The following MIPOL1 variants were observed in gnomAD, a reference collection of about 807,000 sequenced individuals.
MIPOL1 encodes the protein mirror-image polydactyly gene 1 protein.
MIPOL1 carries 57 observed loss-of-function variants against 60.9 expected under a neutral mutation model. The ratio of observed to expected loss-of-function variants is 0.94; its 90% confidence interval spans 0.76 to 1.17. MIPOL1 has a LOEUF of 1.17. MIPOL1 is among the 50% of genes most tolerant of loss of function. MIPOL1 has a pLI of 0.00. For synonymous variants in MIPOL1, 179 were observed against 168.8 expected (o/e 1.06, Z -0.47); for missense variants, 551 against 511.6 (o/e 1.08, Z -0.74).
At chr14:37,289,938 G>T (rs2084914150) in intron 7 of MIPOL1, among the ~76,000 whole-genome samples, 1 of 152,168 alleles carries the variant, frequency 6.6e-6, no homozygotes, top group African/African-American at 2.4e-5. Context: ...GGTGAGGAAA[G>T]GGGTGGAAGG....
chr14:37,200,025 G>C (rs75519482), intron 1 of MIPOL1, among the ~76,000 whole-genome samples: 6,956 of 152,226 alleles, frequency 0.046, 370 homozygotes, highest in African/African-American at 0.13. Flanking sequence ...ATTCTAGTAG[G>C]AATATAGTGA....
intron 1 of MIPOL1, among the ~76,000 whole-genome samples, chr14:37,207,920 G>C (rs181495780): frequency 6.6e-6 from 1 of 152,196 alleles, no homozygotes; most frequent in Non-Finnish European, 1.5e-5. Context: ...CTTGTTTTTG[G>C]TTATAATTTA....
chr14:37,306,540 T>C (rs2086800121), intron 7 of MIPOL1, among the ~76,000 whole-genome samples: 1 of 151,816 alleles, frequency 6.6e-6, no homozygotes, highest in Non-Finnish European at 1.5e-5. Flanking sequence ...AATTAGATCT[T>C]ACTTTGATTT....
At chr14:37,281,038 C>T (rs1389345138) in intron 6 of MIPOL1, among the ~76,000 whole-genome samples, 1 of 152,066 alleles carries the variant, frequency 6.6e-6, no homozygotes, top group Non-Finnish European at 1.5e-5. Flanking sequence ...TCTTTTTTTA[C>T]TTTCACTGCC....
chr14:37,208,137 ATATAG>A (rs1474189654), intron 1 of MIPOL1, among the ~76,000 whole-genome samples: 1 of 152,172 alleles, frequency 6.6e-6, no homozygotes, highest in Non-Finnish European at 1.5e-5. Flanking sequence ...TTTTGGATGC[ATATAG>A]TCAGGTAATC....
At chr14:37,505,180 G>A (rs1430378173) in intron 12 of MIPOL1, 1 of 152,124 alleles carries the variant, frequency 6.6e-6, no homozygotes, top group African/African-American at 2.4e-5. Context: ...GGTACAAAGA[G>A]GAGCTGGTAC....
At chr14:37,323,648 A>AT (rs1212628208) in intron 9 of MIPOL1, among the ~76,000 whole-genome samples, 2 of 152,198 alleles carry the variant, frequency 1.3e-5, no homozygotes, top group Non-Finnish European at 2.9e-5. Context: ...ATACATAAAT[A>AT]TTAAACTGGC....
intron 11 of MIPOL1, among the ~76,000 whole-genome samples, chr14:37,446,014 C>A (rs2094328179): frequency 6.6e-6 from 1 of 151,986 alleles, no homozygotes; most frequent in Non-Finnish European, 1.5e-5. Flanking sequence ...TAGGCATGGG[C>A]AAGGACTTCA....
At chr14:37,297,983 G>A (rs1239002588) in intron 7 of MIPOL1, among the ~76,000 whole-genome samples, 5 of 152,120 alleles carry the variant, frequency 3.3e-5, no homozygotes, top group Non-Finnish European at 5.9e-5. Flanking sequence ...AAAAGAGCCC[G>A]CATCGCCAAG....
At chr14:37,481,664 A>G (rs1422757420) in intron 11 of MIPOL1, among the ~76,000 whole-genome samples, 1 of 151,538 alleles carries the variant, frequency 6.6e-6, no homozygotes, top group Non-Finnish European at 1.5e-5. Flanking sequence ...AGCTAGAGGA[A>G]TCACAATAGC....
intron 10 of MIPOL1, among the ~76,000 whole-genome samples, chr14:37,421,613 C>T (rs566350598): frequency 2.4e-4 from 36 of 151,958 alleles, no homozygotes; most frequent in Admixed American, 4.6e-4. Context: ...TGTTAAAGCA[C>T]GCATTCAAAC....
intron 12 of MIPOL1, among the ~76,000 whole-genome samples, chr14:37,530,769 G>A (rs962320827): frequency 2.0e-5 from 3 of 151,878 alleles, no homozygotes; most frequent in Non-Finnish European, 4.4e-5. Context: ...AGCCTGATGT[G>A]TGAATATTTT....
At chr14:37,259,718 A>G (rs2082383124) in intron 3 of MIPOL1, among the ~76,000 whole-genome samples, 1 of 152,132 alleles carries the variant, frequency 6.6e-6, no homozygotes, top group Non-Finnish European at 1.5e-5. Context: ...AAATTTCTCA[A>G]AGCAATTTTT....
At chr14:37,393,401 T>TTTTG (rs2093296026) in intron 10 of MIPOL1, among the ~76,000 whole-genome samples, 5 of 51,262 alleles carry the variant, frequency 9.8e-5, no homozygotes, top group Admixed American at 6.2e-4. Flanking sequence ...TTTTGTTTTG[T>TTTTG]TTTTGTGTGT....
At chr14:37,473,438 A>G (rs1950531) in intron 11 of MIPOL1, among the ~76,000 whole-genome samples, 8,382 of 152,112 alleles carry the variant, frequency 0.055, 512 homozygotes, top group East Asian at 0.32. Flanking sequence ...CAGACACTAT[A>G]CTATTGCTGG....
intron 12 of MIPOL1, among the ~76,000 whole-genome samples, chr14:37,527,216 A>T (rs1193427903): frequency 6.6e-6 from 1 of 151,584 alleles, no homozygotes; most frequent in Non-Finnish European, 1.5e-5. Flanking sequence ...GAAATTTTGC[A>T]TGTTTTTTTT....
intron 11 of MIPOL1, among the ~76,000 whole-genome samples, chr14:37,474,860 T>C (rs1461582573): frequency 2.6e-5 from 4 of 152,212 alleles, no homozygotes; most frequent in African/African-American, 7.2e-5. Flanking sequence ...TGTTTCAATT[T>C]ACAATTCTCT....
chr14:37,325,294 A>G (rs957236305), intron 9 of MIPOL1, among the ~76,000 whole-genome samples: 2 of 152,096 alleles, frequency 1.3e-5, no homozygotes, highest in African/African-American at 4.8e-5. Context: ...ATGTTGACAT[A>G]TATTTTATAT....
chr14:37,497,570 G>T (rs1271143297), intron 11 of MIPOL1, among the ~76,000 whole-genome samples: 3 of 152,192 alleles, frequency 2.0e-5, no homozygotes, highest in Non-Finnish European at 4.4e-5. Flanking sequence ...GTCAGGCATG[G>T]TGGCATATGC....
Sources: gnomAD v4.1 joint callset for allele counts (sites outside exome capture counted in the v4.1 genomes callset) on GRCh38, gnomAD v4.1.1 for gene constraint, MANE v1.5 for transcripts, NCBI Gene and HGNC (gene_info 2026-07-23, HGNC 2026-07-21) for gene names.